RFX4: variants seen among roughly 807,000 people sequenced by gnomAD.
RFX4 encodes transcription factor RFX4.
RFX4 carries 10 observed loss-of-function variants against 95.0 expected under a neutral mutation model. The observed-to-expected ratio is 0.11, with a 90% CI of 0.06 to 0.18. The LOEUF (loss-of-function observed/expected upper bound fraction) is 0.18, where lower values mean the gene tolerates loss of function less well. Among genes scored for constraint, RFX4 ranks in the 10% least tolerant of loss-of-function variants. The probability of loss-of-function intolerance (pLI) is 1.00; values close to 1 mark genes in which losing one functional copy is unlikely to be tolerated. For synonymous variants in RFX4, 321 were observed against 340.7 expected, an observed-to-expected ratio of 0.94 and a Z score of 0.64; for missense variants, 640 against 922.0, an observed-to-expected ratio of 0.69 and a Z score of 3.96.
At chr12:106,748,357 G>A (rs568042740) in intron 16 of RFX4, among the ~76,000 whole-genome samples, 1 of 152,170 alleles carries the variant, frequency 6.6e-6, no homozygotes, top group South Asian at 2.1e-4. Flanking sequence ...TTAGAGAAGG[G>A]CTTCCCCACC....
rs747786841 is a variant in RFX4 at position 106,758,690 on chromosome 12, A to G, written c.1936-2507A>G. Reference sequence around the variant, plus strand: ...TTAGTGAAGGAAGAGGAGCAGAGGGATTAAAGTCTAATGGGCTGGCCTCCA... The same window carrying G: ...TTAGTGAAGGAAGAGGAGCAGAGGGGTTAAAGTCTAATGGGCTGGCCTCCA... On this transcript the variant is annotated intron_variant, in intron 17 of 17. Transcript: ENST00000392842. Among the ~76,000 whole-genome samples the G allele has an allele frequency of 2.0e-5, 3 of 152,210 alleles. No homozygotes were observed. The South Asian group carries it at 6.2e-4, about 31-fold the overall frequency.
intron 3 of RFX4, among the ~76,000 whole-genome samples, chr12:106,653,896 A>G (rs192696442): frequency 2.0e-5 from 3 of 152,316 alleles, no homozygotes; most frequent in Non-Finnish European, 4.4e-5. Context: ...GGCACCCACA[A>G]GACCCTATGT....
chr12:106,595,437 G>A (rs572699771), intron 1 of RFX4, among the ~76,000 whole-genome samples: 117 of 152,300 alleles, frequency 7.7e-4, no homozygotes, highest in Admixed American at 2.0e-3. Flanking sequence ...GTCAGTGGGC[G>A]ACTGGGTGCC....
At chr12:106,630,453 G>A (rs1014912869) in intron 2 of RFX4, among the ~76,000 whole-genome samples, 1 of 152,172 alleles carries the variant, frequency 6.6e-6, no homozygotes, top group African/African-American at 2.4e-5. Context: ...ATTTAGCCAC[G>A]TTCCCACGGG....
rs369162610 is a variant in RFX4 at position 106,639,411 on chromosome 12, C to T, written c.191+19C>T. ...TGCAATGGTAAGTTTCCATTTTTAG[C>T]AAGTTCTGTCTTCAGAGGATGCTCA... On this transcript the variant is annotated intron_variant, in intron 3 of 17. Transcript: ENST00000392842. 97 of 1,610,756 alleles carry T rather than the reference C, an allele frequency of 6.0e-5. No individual in the cohort carries two copies. The highest frequency in any genetic ancestry group is 7.9e-5 in the Non-Finnish European group (93 of 1,177,436).
At position 106,705,656 on chromosome 12, in the gene RFX4, G is replaced by T. The variant is rs1030452165; in HGVS notation, c.834-3674G>T. Among the ~76,000 whole-genome samples, 4 of 152,160 alleles carry T rather than the reference G, an allele frequency of 2.6e-5. No individual in the cohort carries two copies. The South Asian group carries it at 6.2e-4, about 24-fold the overall frequency. ...AAAGGTCCTGGTGAGGTAAGCAAGGGCCTGAAGTGTTGGAGAAACTGAATG... is the reference window on the plus strand; with the variant it reads ...AAAGGTCCTGGTGAGGTAAGCAAGGTCCTGAAGTGTTGGAGAAACTGAATG... On this transcript the variant is annotated intron_variant, in intron 8 of 17. Transcript: ENST00000392842.
Position 106,608,780 on chromosome 12 carries a change from C to CTTTTTTTTTTTT in RFX4, c.44-14_44-3dup. Reference sequence around the variant, plus strand: ...TTCTTTTTCTTTTCTTTCTTTCTTTCTTTTTTTTTTTTTTAGAGAGCTGGA... The same window carrying CTTTTTTTTTTTT: ...TTCTTTTTCTTTTCTTTCTTTCTTTCTTTTTTTTTTTTTTTTTTTTTTTTTTAGAGAGCTGGA... On this transcript the variant is annotated splice_polypyrimidine_tract_variant and intron_variant, in intron 1 of 17. Transcript: ENST00000392842. 1 of 1,421,334 alleles carries CTTTTTTTTTTTT rather than the reference C, an allele frequency of 7.0e-7. No individual in the cohort carries two copies. The allele number at this position is 1,421,334 out of a possible 1,614,324, so 88.0% of individuals were successfully genotyped here. A position where few individuals can be genotyped will look rare whatever the true frequency, so the allele number is the denominator to read the frequency against.
At chr12:106,641,839 A>G (rs949439231) in intron 3 of RFX4, among the ~76,000 whole-genome samples, 2 of 152,140 alleles carry the variant, frequency 1.3e-5, no homozygotes, top group African/African-American at 2.4e-5. Context: ...AGCACCTGGT[A>G]TTTGCTAGCT....
chr12:106,640,421 G>C (rs1317293178), intron 3 of RFX4, among the ~76,000 whole-genome samples: 4 of 152,150 alleles, frequency 2.6e-5, no homozygotes, highest in Non-Finnish European at 4.4e-5. Context: ...TCCATCCAGA[G>C]GTGAGAGGAA....
At chr12:106,600,600 G>A (rs1288890434) in intron 1 of RFX4, among the ~76,000 whole-genome samples, 4 of 152,172 alleles carry the variant, frequency 2.6e-5, no homozygotes, top group East Asian at 1.9e-4. Flanking sequence ...CTGAGCCAGT[G>A]CAGTCCGCAT....
chr12:106,679,380 A>G (rs2041459214), intron 4 of RFX4, among the ~76,000 whole-genome samples: 1 of 151,814 alleles, frequency 6.6e-6, no homozygotes, highest in South Asian at 2.1e-4. Context: ...ACTTGAACCC[A>G]GGAGGTGGAG....
chr12:106,687,549 C>CAAAAAAAAAAAAAAAAAA (rs34562413), intron 6 of RFX4, among the ~76,000 whole-genome samples: 1 of 73,904 alleles, frequency 1.4e-5, no homozygotes, highest in African/African-American at 3.7e-5. Flanking sequence ...AACTCCATCT[C>CAAAAAAAAAAAAAAAAAA]AAAAAAAAAA....
chr12:106,689,206 C>G (rs2041729687), intron 6 of RFX4, 81 bp from the exon 7 acceptor site: 3 of 1,199,600 alleles, frequency 2.5e-6, no homozygotes, highest in Middle Eastern at 1.9e-4. Context: ...GAAGAAATGA[C>G]TTAAAAACTG....
At chr12:106,670,523 C>A (rs2041260603) in intron 4 of RFX4, among the ~76,000 whole-genome samples, 1 of 152,206 alleles carries the variant, frequency 6.6e-6, no homozygotes, top group African/African-American at 2.4e-5. Context: ...TCAAAGAATT[C>A]TTCATCAATC....
intron 13 of RFX4, among the ~76,000 whole-genome samples, chr12:106,722,761 T>C (rs1299563283): frequency 6.6e-6 from 1 of 152,174 alleles, no homozygotes; most frequent in Non-Finnish European, 1.5e-5. Flanking sequence ...ATCTGACTCA[T>C]TGTTGAATTT....
At chr12:106,760,010 T>C (rs2043181469) in intron 17 of RFX4, among the ~76,000 whole-genome samples, 1 of 152,144 alleles carries the variant, frequency 6.6e-6, no homozygotes, top group Non-Finnish European at 1.5e-5. Flanking sequence ...GGAGCAGCCA[T>C]TGTTGTCATA....
At chr12:106,756,939 C>T (rs1234068796) in intron 17 of RFX4, among the ~76,000 whole-genome samples, 2 of 152,150 alleles carry the variant, frequency 1.3e-5, no homozygotes, top group East Asian at 1.9e-4. Context: ...CCGAACTTGG[C>T]CCTCAGTGAG....
At chr12:106,601,416 C>A (rs1243508239) in intron 1 of RFX4, 7 of 1,472,890 alleles carry the variant, frequency 4.8e-6, no homozygotes, top group African/African-American at 1.4e-5. Flanking sequence ...TGGGGCCAGG[C>A]CCGCCTTGGT....
chr12:106,585,821 G>C (rs1440536843), intron 1 of RFX4: 3 of 152,214 alleles, frequency 2.0e-5, no homozygotes. Context: ...GCCGGCGAGC[G>C]GGGCCACCGT....
Sources: allele counts gnomAD v4.1 joint callset (sites outside exome capture counted in the v4.1 genomes callset), GRCh38; gene constraint gnomAD v4.1.1; transcripts MANE v1.5; gene names NCBI Gene and HGNC (gene_info 2026-07-23, HGNC 2026-07-21).